Variants in GALNTL6 observed in about 807,000 individuals in gnomAD.
The protein encoded by GALNTL6 is polypeptide N-acetylgalactosaminyltransferase-like 6.
In GALNTL6, 46 loss-of-function variants were observed where a neutral mutation model predicts 73.7. The ratio of observed to expected loss-of-function variants is 0.62; its 90% CI spans 0.49 to 0.80. The LOEUF is 0.80. Among genes scored for constraint, GALNTL6 ranks in the 30% least tolerant of loss-of-function variants. The probability of loss-of-function intolerance (pLI) is 0.00; values close to 1 mark genes in which losing one functional copy is unlikely to be tolerated. For synonymous variants in GALNTL6, 259 were observed against 263.7 expected, an observed-to-expected ratio of 0.98 and a Z score of 0.17; for missense variants, 604 against 755.0, an observed-to-expected ratio of 0.80 and a Z score of 2.34.
At chr4:171,975,290 A>G (rs1739688471) in intron 2 of GALNTL6, among the ~76,000 whole-genome samples, 1 of 152,174 alleles carries the variant, frequency 6.6e-6, no homozygotes, top group Non-Finnish European at 1.5e-5. Flanking sequence ...ACTCCAGAAT[A>G]TGTCCTCCCA....
At chr4:172,351,199 CT>C (rs1166812658) in intron 5 of GALNTL6, among the ~76,000 whole-genome samples, 3 of 151,882 alleles carry the variant, frequency 2.0e-5, no homozygotes, top group African/African-American at 4.8e-5. Flanking sequence ...ATCTATCTAT[CT>C]ATCTATCTAT....
intron 2 of GALNTL6, among the ~76,000 whole-genome samples, chr4:172,024,972 C>T (rs541123754): frequency 4.0e-5 from 6 of 151,888 alleles, no homozygotes; most frequent in African/African-American, 7.2e-5. Context: ...AAAATATTAC[C>T]CATCCAAGAT....
intron 2 of GALNTL6, among the ~76,000 whole-genome samples, chr4:171,874,428 G>A (rs1736220423): frequency 6.6e-6 from 1 of 152,064 alleles, no homozygotes; most frequent in African/African-American, 2.4e-5. Flanking sequence ...GACCTCAAAT[G>A]ACCTGTCCAT....
In GALNTL6 at chr4:172,931,796, CT is replaced by C. The variant is rs527300024; in HGVS notation, c.1149+530del. ...CTCAACATTTCAAAATTGGCTCAGT[CT>C]TAAGATTTTTTTCCAATATTGTTTT... On this transcript the variant is annotated intron_variant, in intron 9 of 12. Transcript: ENST00000506823. 1.9e-3 allele frequency among the ~76,000 whole-genome samples: 290 copies of C among 152,324 alleles called. 1 individual carries two copies. The highest frequency in any genetic ancestry group is 6.6e-3 in the African/African-American group (273 of 41,578).
chr4:172,370,086 G>C (rs1742738685), intron 5 of GALNTL6, among the ~76,000 whole-genome samples: 1 of 152,180 alleles, frequency 6.6e-6, no homozygotes, highest in Non-Finnish European at 1.5e-5. Flanking sequence ...GACCACTCTA[G>C]CTACTTCCTT....
intron 2 of GALNTL6, among the ~76,000 whole-genome samples, chr4:172,019,748 T>C (rs1449720310): frequency 3.3e-5 from 5 of 152,116 alleles, no homozygotes; most frequent in South Asian, 2.1e-4. Flanking sequence ...ACTTTCAGCA[T>C]TGGACAGATC....
At chr4:172,273,963 TC>T (rs1159179187) in intron 3 of GALNTL6, among the ~76,000 whole-genome samples, 1 of 152,214 alleles carries the variant, frequency 6.6e-6, no homozygotes, top group Non-Finnish European at 1.5e-5. Context: ...CAGGTCTACT[TC>T]TTTTATCCAT....
At chr4:172,924,911 C>A (rs373320108) in intron 8 of GALNTL6, among the ~76,000 whole-genome samples, 12 of 152,120 alleles carry the variant, frequency 7.9e-5, no homozygotes, top group Non-Finnish European at 1.8e-4. Context: ...TTGGCTCTGT[C>A]GCCAGGCTAG....
intron 2 of GALNTL6, among the ~76,000 whole-genome samples, chr4:172,125,344 G>A (rs1013804908): frequency 6.6e-6 from 1 of 152,150 alleles, no homozygotes; most frequent in Non-Finnish European, 1.5e-5. Context: ...GGAAGAAGCT[G>A]CAGTTTAGAA....
At chr4:171,918,997 A>C (rs759906571) in intron 2 of GALNTL6, among the ~76,000 whole-genome samples, 4 of 152,104 alleles carry the variant, frequency 2.6e-5, no homozygotes, top group Non-Finnish European at 4.4e-5. Flanking sequence ...GGGGAAACAG[A>C]AAGTTACTGT....
At chr4:172,288,721 G>T (rs977296877) in intron 3 of GALNTL6, among the ~76,000 whole-genome samples, 2 of 152,000 alleles carry the variant, frequency 1.3e-5, no homozygotes, top group African/African-American at 4.8e-5. Flanking sequence ...ATTTTCACTT[G>T]ATTTATTAAT....
intron 5 of GALNTL6, among the ~76,000 whole-genome samples, chr4:172,589,241 G>A (rs959616048): frequency 6.6e-6 from 1 of 152,120 alleles, no homozygotes; most frequent in Non-Finnish European, 1.5e-5. Context: ...GACTAGACAA[G>A]CCAGCACTAT....
intron 5 of GALNTL6, among the ~76,000 whole-genome samples, chr4:172,624,128 G>A (rs1231781268): frequency 1.3e-5 from 2 of 152,042 alleles, no homozygotes; most frequent in Admixed American, 1.3e-4. Flanking sequence ...GTGTTGATCA[G>A]CACACTTTTT....
intron 2 of GALNTL6, among the ~76,000 whole-genome samples, chr4:171,956,434 C>A: frequency 6.6e-6 from 1 of 152,222 alleles, no homozygotes; most frequent in African/African-American, 2.4e-5. Context: ...AGAGGAACTT[C>A]TTTGTATATG....
Position 173,039,972 on chromosome 4 carries a change from G to T in GALNTL6, c.1678G>T (p.Asp560Tyr), listed in dbSNP as rs1186219605. ...LFHPVSNSCM[D>Y]CNPAEKKIFM... is the part of the protein sequence containing the mutation. ...CCATCCTGTGAGCAACAGCTGCATGGATTGCAACCCCGCAGAGAAGAAGAT... is the reference window on the plus strand; with the variant it reads ...CCATCCTGTGAGCAACAGCTGCATGTATTGCAACCCCGCAGAGAAGAAGAT... The change falls in exon 13 of 13, where the codon GAT becomes TAT. Residue 560 changes from aspartate to tyrosine, a missense_variant. By Grantham distance (160) the Asp-to-Tyr change is radical. Around this residue, in one of 5 missense-constraint regions of GALNTL6, gnomAD observed 261 missense variants for 296.5 expected, o/e 0.88. Transcript: ENST00000506823. 6.2e-7 allele frequency: 1 copy of T among 1,613,970 alleles called. No homozygotes were observed. The highest frequency in any genetic ancestry group is 1.3e-5 in the African/African-American group (1 of 75,024).
intron 7 of GALNTL6, among the ~76,000 whole-genome samples, chr4:172,845,063 C>T (rs1743417258): frequency 6.6e-6 from 1 of 151,408 alleles, no homozygotes; most frequent in Non-Finnish European, 1.5e-5. Context: ...AAAACAAAAA[C>T]AAAAATTAGC....
At chr4:172,303,761 A>G (rs1740023788) in intron 3 of GALNTL6, among the ~76,000 whole-genome samples, 1 of 152,160 alleles carries the variant, frequency 6.6e-6, no homozygotes, top group African/African-American at 2.4e-5. Flanking sequence ...TGTACATTAG[A>G]GCTCTAAGCT....
chr4:172,016,880 T>C (rs1741214035), intron 2 of GALNTL6, among the ~76,000 whole-genome samples: 1 of 152,112 alleles, frequency 6.6e-6, no homozygotes, highest in South Asian at 2.1e-4. Context: ...CTTTATGTGC[T>C]GGCTTTCCCT....
intron 5 of GALNTL6, among the ~76,000 whole-genome samples, chr4:172,376,220 A>T (rs1743024069): frequency 6.6e-6 from 1 of 152,184 alleles, no homozygotes; most frequent in Non-Finnish European, 1.5e-5. Flanking sequence ...ATCACCAGAG[A>T]CAGGGAGTGA....
Sources: allele counts gnomAD v4.1 joint callset (sites outside exome capture counted in the v4.1 genomes callset), GRCh38; gene constraint gnomAD v4.1.1; regional missense constraint gnomAD v4.1.1; transcripts MANE v1.5; gene names NCBI Gene and HGNC (gene_info 2026-07-23, HGNC 2026-07-21).